NELFCD: variants seen among roughly 807,000 people sequenced by gnomAD.
NELFCD encodes the protein negative elongation factor C/D.
Under a neutral mutation model 72.9 loss-of-function variants are expected in NELFCD, and 48 were observed. The ratio of observed to expected loss-of-function variants is 0.66; its 90% confidence interval spans 0.52 to 0.84. The LOEUF is 0.84. Among genes scored for constraint, NELFCD ranks in the 40% least tolerant of loss-of-function variants. The pLI is 0.00. For synonymous variants in NELFCD, 297 were observed against 280.6 expected, an observed-to-expected ratio of 1.06 and a Z score of -0.59; for missense variants, 538 against 723.8, an observed-to-expected ratio of 0.74 and a Z score of 2.94.
rs2091729694 is a variant in NELFCD at position 58,981,317 on chromosome 20, A to G, written c.8A>G (p.Glu3Gly). MD[E>G]DYYGSAAEWG... ...GCCGTGCCGGGCGCCATCATGGACG[A>G]GGACTACTACGGGAGCGCGGCCGAG... Residue 3 changes from glutamate (E) to glycine (G), a missense_variant, in exon 1 of 15, where the codon GAG becomes GGG. By Grantham distance (98) the Glu-to-Gly change is moderately conservative. Around this residue, in one of 3 missense-constraint regions of NELFCD, gnomAD observed 47 missense variants for 35.3 expected, o/e 1.33. Transcript: ENST00000652272. The G allele has an allele frequency of 5.5e-6, 6 of 1,095,574 alleles. No individual in the cohort carries two copies. The highest frequency in any genetic ancestry group is 6.7e-6 in the Non-Finnish European group (6 of 897,286). 67.9% of individuals were successfully genotyped at this position (1,095,574 alleles called of 1,614,324 possible).
Position 58,993,444 on chromosome 20 carries a change from T to C in NELFCD, c.1345-5T>C, listed in dbSNP as rs1273893931. 2.5e-6 allele frequency: 4 copies of C among 1,613,214 alleles called. No individual in the cohort carries two copies. In the African/African-American group the frequency reaches 4.0e-5, roughly 16 times the overall value. ...TCAGCGAAGCTCCCTCTGGCCTGTT[T>C]GTAGATCAGCACCTGCCACCAGCTC... is the stretch of plus-strand genomic sequence containing the variant. On this transcript the variant is annotated splice_region_variant and splice_polypyrimidine_tract_variant and intron_variant, in intron 11 of 14. Transcript: ENST00000652272. The surrounding 1 kb of genome is among the most constrained non-coding windows in gnomAD (Gnocchi z 5.0).
chr20:58,987,534 T>C, intron 3 of NELFCD, 174 bp from the exon 4 acceptor site: 1 of 605,852 alleles, frequency 1.7e-6, no homozygotes, highest in South Asian at 2.0e-5. Context: ...TGTGCTGCTT[T>C]TTGGTCTTAT....
chr20:58,994,178 T>C lies in NELFCD; in HGVS notation c.1650T>C (p.Asn550=). Residue 550 remains asparagine (N), a synonymous_variant, in exon 14 of 15, where the codon AAT becomes AAC. Transcript: ENST00000652272. ...AACTTTTCCTCCCCATCCTGGAGAA[T>C]GACAGCATCGCAGGTACCATCAAAA... ...FVQLFLPILE[N]DSIAGTIKTE... is the part of the protein sequence containing the mutation. 6.2e-7 allele frequency: 1 copy of C among 1,614,206 alleles called. No individual in the cohort carries two copies. Among genetic ancestry groups the C allele is most frequent in the Non-Finnish European group, 8.5e-7 (1 of 1,180,016 alleles).
rs780950964 is a variant in NELFCD, at chr20:58,986,837, T to C, written c.260T>C (p.Leu87Pro). 5 of 1,613,924 alleles carry C rather than the reference T, an allele frequency of 3.1e-6. No individual in the cohort carries two copies. The highest frequency in any genetic ancestry group is 4.2e-6 in the Non-Finnish European group (5 of 1,179,858). ...NYTAVAQTVN[L>P]LAEWLIQTGV... The stretch of plus-strand genomic sequence containing the variant: ...ACCGCTGTGGCCCAGACTGTGAACC[T>C]GCTGGCCGAGTGGCTCATTCAGACA... The change falls in exon 3 of 15, where the codon CTG (leucine) becomes CCG (proline). Residue 87 changes from leucine (L) to proline (P), a missense_variant. Transcript: ENST00000652272. The surrounding 1 kb of genome is among the most constrained non-coding windows in gnomAD (Gnocchi z 4.4).
chr20:58,995,112 C>T lies in NELFCD; in HGVS notation c.*436C>T, dbSNP rs2091850344. ...AAGTAATAAGTAAATTTTTAAAAAG[C>T]CTTTCTGCTGGGTTGGATTAAGTCC... On this transcript the variant is annotated 3_prime_UTR_variant, in exon 15 of 15. Coordinates refer to ENST00000652272, the MANE Select transcript of NELFCD (RefSeq NM_198976.4). The T allele has an allele frequency of 5.8e-6, 1 of 173,538 alleles. No individual in the cohort carries two copies. Among genetic ancestry groups the T allele is most frequent in the Non-Finnish European group, 1.2e-5 (1 of 81,618 alleles). The allele number at this position is 173,538 out of a possible 1,614,324, so 10.7% of individuals were successfully genotyped here.
intron 8 of NELFCD, 103 bp downstream of exon 8, chr20:58,991,178 G>A (rs1281043969): frequency 1.3e-6 from 2 of 1,550,730 alleles, no homozygotes. Flanking sequence ...ATCCATCATT[G>A]TCCTGGTCCT....
At position 58,994,997 on chromosome 20, in the gene NELFCD, C is replaced by T. The variant is rs954087468; in HGVS notation, c.*321C>T. 17 of 287,600 alleles carry T rather than the reference C, an allele frequency of 5.9e-5. No homozygotes were observed. In the East Asian group the frequency reaches 7.3e-4, roughly 12 times the overall value. The allele number at this position is 287,600 out of a possible 1,614,324, so 17.8% of individuals were successfully genotyped here. A position where few individuals can be genotyped will look rare whatever the true frequency, so the allele number is the denominator to read the frequency against. ...GCCGCGGGCCGCTGGGAACTCCACT[C>T]GGGGAACTCCTTTCCAAGCTGACCT... On this transcript the variant is annotated 3_prime_UTR_variant, in exon 15 of 15. Coordinates refer to ENST00000652272, the MANE Select transcript of NELFCD (RefSeq NM_198976.4).
chr20:58,986,348 CTT>C lies in NELFCD; in HGVS notation c.176+154_176+155del, dbSNP rs1173622375. On this transcript the variant is annotated intron_variant, in intron 2 of 14. Transcript: ENST00000652272. This position sits in a 1 kb window ranked among gnomAD's most constrained non-coding sequence, Gnocchi z 4.4. ...CTTCAAGGGGGGGTCCCCTCTGCCA[CTT>C]TTTTTTTTTTTTTAAATTTTTTTAA... is the stretch of plus-strand genomic sequence containing the variant. 1.4e-3 allele frequency: 683 copies of C among 471,450 alleles called. No individual in the cohort carries two copies. The highest frequency in any genetic ancestry group is 6.6e-3 in the African/African-American group (318 of 48,008). The allele number at this position is 471,450 out of a possible 1,614,324, so 29.2% of individuals were successfully genotyped here.
intron 1 of NELFCD, among the ~76,000 whole-genome samples, chr20:58,982,275 G>A (rs2091740879): frequency 6.9e-6 from 1 of 145,872 alleles, no homozygotes; most frequent in South Asian, 2.2e-4. Context: ...TCCTGCCTCA[G>A]CCTCCCGAAT....
Position 58,988,901 on chromosome 20 carries a change from T to G in NELFCD, c.397-13T>G. The G allele has an allele frequency of 6.2e-7, 1 of 1,601,658 alleles. No individual in the cohort carries two copies. Among genetic ancestry groups the G allele is most frequent in the Non-Finnish European group, 8.6e-7 (1 of 1,168,794 alleles). On this transcript the variant is annotated splice_polypyrimidine_tract_variant and intron_variant, in intron 4 of 14. Transcript: ENST00000652272. ...GCCTCCTCCTATCTTGCTGTTTGTG[T>G]GTGTGTTGGCAGACCCCAGCGTGGC...
At chr20:58,984,908 C>T (rs1160360401) in intron 1 of NELFCD, among the ~76,000 whole-genome samples, 1 of 152,210 alleles carries the variant, frequency 6.6e-6, no homozygotes, top group East Asian at 1.9e-4. Flanking sequence ...CTGTCATGCC[C>T]TTAGGGGCTC....
chr20:58,993,238 C>T lies in NELFCD; in HGVS notation c.1344+126C>T, dbSNP rs894071388. On this transcript the variant is annotated intron_variant, in intron 11 of 14. Transcript: ENST00000652272. This position sits in a 1 kb window ranked among gnomAD's most constrained non-coding sequence, Gnocchi z 5.0. ...CTTCTCAAAAATAGTTATTTCTGTC[C>T]TGAGGATTTTCCTCTTAAGGACCTA... 2.3e-6 allele frequency: 2 copies of T among 878,630 alleles called. No individual in the cohort carries two copies. Among genetic ancestry groups the T allele is most frequent in the African/African-American group, 3.4e-5 (2 of 59,564 alleles). The allele number at this position is 878,630 out of a possible 1,614,324, so 54.4% of individuals were successfully genotyped here. A position where few individuals can be genotyped will look rare whatever the true frequency, so the allele number is the denominator to read the frequency against.
At chr20:58,981,581 G>A (rs1279406528) in intron 1 of NELFCD, among the ~76,000 whole-genome samples, 1 of 149,778 alleles carries the variant, frequency 6.7e-6, no homozygotes, top group Non-Finnish European at 1.5e-5. Context: ...CGGGGTCCCC[G>A]CCTCCTCGCC....
In NELFCD at chr20:58,986,224, G is replaced by GTC. The variant is rs762874583; in HGVS notation, c.176+18_176+19dup. On this transcript the variant is annotated intron_variant, in intron 2 of 14. Transcript: ENST00000652272. The surrounding 1 kb of genome is among the most constrained non-coding windows in gnomAD (Gnocchi z 4.4). ...CTCTGAAGAGGTATGTGAGAAAGGT[G>GTC]TCTGTATTGGGAGGAGGCTGGGGGT... 6.6e-7 allele frequency: 1 copy of GTC among 1,520,238 alleles called. No homozygotes were observed. Among genetic ancestry groups the GTC allele is most frequent in the East Asian group, 2.3e-5 (1 of 44,438 alleles). 94.2% of individuals were successfully genotyped at this position (1,520,238 alleles called of 1,614,324 possible). A position where few individuals can be genotyped will look rare whatever the true frequency, so the allele number is the denominator to read the frequency against.
At chr20:58,990,079 G>C in intron 7 of NELFCD, 91 bp downstream of exon 7, 1 of 1,523,536 alleles carries the variant, frequency 6.6e-7, no homozygotes, top group Non-Finnish European at 8.9e-7. Context: ...AAAGCTGCTA[G>C]CTCCTTCTGT....
intron 7 of NELFCD, chr20:58,990,696 GTATT>G (rs1350441037): frequency 3.9e-6 from 2 of 518,152 alleles, no homozygotes; most frequent in East Asian, 3.0e-5. Flanking sequence ...GTGTTCCTAA[GTATT>G]TAAAGTGTGT....
In NELFCD at chr20:58,993,123, G is replaced by A. The variant is rs545237353; in HGVS notation, c.1344+11G>A. 15 of 1,593,122 alleles carry A rather than the reference G, an allele frequency of 9.4e-6. No homozygotes were observed. Among genetic ancestry groups the A allele is most frequent in the South Asian group, 6.6e-5 (6 of 90,674 alleles). On this transcript the variant is annotated intron_variant, in intron 11 of 14. Coordinates refer to ENST00000652272, the MANE Select transcript of NELFCD (RefSeq NM_198976.4). The surrounding 1 kb of genome is among the most constrained non-coding windows in gnomAD (Gnocchi z 5.0). ...GCGTTGCTGGATGAGGTAAGAGGGC[G>A]GAGAGCTGTTCACAGCCTACACAGT...
At position 58,989,952 on chromosome 20, in the gene NELFCD, G is replaced by A; in HGVS notation, c.752G>A (p.Arg251Lys). The change falls in exon 7 of 15, where the codon AGG (arginine) becomes AAG (lysine). Residue 251 changes from arginine to lysine, a missense_variant. By Grantham distance (26) the Arg-to-Lys change is conservative (BLOSUM62 2). Transcript: ENST00000652272. ...GAGCAGGGGGGCTCCGCTGTGCGCA[G>A]GATCGCCCAGGAAGTGCAGCGCTTT... ...QEEQGGSAVRRIAQEVQRFAQ... is the reference protein window; with the variant it reads ...QEEQGGSAVRKIAQEVQRFAQ... 6.2e-7 allele frequency: 1 copy of A among 1,613,870 alleles called. No individual in the cohort carries two copies. The highest frequency in any genetic ancestry group is 8.5e-7 in the Non-Finnish European group (1 of 1,180,044).
chr20:58,986,784 T>C lies in NELFCD; in HGVS notation c.207T>C (p.Asn69=), dbSNP rs753028723. The C allele has an allele frequency of 1.2e-6, 2 of 1,613,966 alleles. No individual in the cohort carries two copies. The highest frequency in any genetic ancestry group is 1.7e-5 in the Admixed American group (1 of 60,020). Residue 69 remains asparagine (N), a synonymous_variant, in exon 3 of 15, where the codon AAT becomes AAC. Transcript: ENST00000652272. The surrounding 1 kb of genome is among the most constrained non-coding windows in gnomAD (Gnocchi z 4.4). ...RYFQAGGSPE[N]VIQLLSENYT... ...TTCAGGCAGGAGGGTCTCCAGAGAA[T>C]GTTATCCAGCTCTTATCTGAAAACT...
Sources: gnomAD v4.1 joint callset for allele counts (sites outside exome capture counted in the v4.1 genomes callset) on GRCh38, gnomAD v4.1.1 for gene constraint, gnomAD v4.1.1 regional missense constraint, Gnocchi (gnomAD v3.1) non-coding constraint, MANE v1.5 for transcripts, NCBI Gene and HGNC (gene_info 2026-07-23, HGNC 2026-07-21) for gene names.